EXPH5: variants seen among roughly 807,000 people sequenced by gnomAD.
The protein encoded by EXPH5 is exophilin 5.
Under a neutral mutation model 41.1 loss-of-function variants are expected in EXPH5, and 42 were observed. That is an observed-to-expected ratio of 1.02 (90% CI 0.80 to 1.32). The LOEUF (loss-of-function observed/expected upper bound fraction) is 1.32, where lower values mean the gene tolerates loss of function less well. Ranked by LOEUF, EXPH5 falls within the 40% of genes most tolerant of loss-of-function variation. The probability of loss-of-function intolerance (pLI) is 0.00; values close to 1 mark genes in which losing one functional copy is unlikely to be tolerated. For missense variants in EXPH5, 2,298 were observed against 2,314.5 expected (o/e 0.99, Z 0.15); for synonymous variants, 798 against 833.5 (o/e 0.96, Z 0.73).
At chr11:108,598,868 G>T in the EXPH5 span, among the ~76,000 whole-genome samples, 1 of 152,160 alleles carries the variant, frequency 6.6e-6, no homozygotes, top group South Asian at 2.1e-4. Context: ...TCCTAAGGAC[G>T]TGGGCTTGGA....
chr11:108,543,326 G>A (rs1474523470), intron 1 of EXPH5, among the ~76,000 whole-genome samples: 1 of 151,992 alleles, frequency 6.6e-6, no homozygotes, highest in Admixed American at 6.6e-5. Flanking sequence ...AGATCATTTT[G>A]CTCTATTTAA....
At chr11:108,587,558 C>A (rs1005142637) in intron 1 of EXPH5, among the ~76,000 whole-genome samples, 1 of 152,116 alleles carries the variant, frequency 6.6e-6, no homozygotes, top group Non-Finnish European at 1.5e-5. Flanking sequence ...CCTGTGCACA[C>A]ATTAACATTG....
intron 1 of EXPH5, among the ~76,000 whole-genome samples, chr11:108,574,343 A>G (rs1337899031): frequency 6.6e-6 from 1 of 151,086 alleles, no homozygotes; most frequent in Non-Finnish European, 1.5e-5. Flanking sequence ...ACACCACTGC[A>G]CTGCAGCCTG....
Position 108,509,714 on chromosome 11 carries a change from G to A in EXPH5, c.5793C>T (p.Asn1931=). ...AATTTGAGCTTAATGACTCTGAGGG[G>A]TTGGGAGGGTTCCTCAAATCATCTT... The part of the protein sequence containing the change: ...FLKDDLRNPP[N]PSESLSSNSP... The change falls in exon 6 of 6, where the codon AAC becomes AAT. Residue 1931 remains asparagine, a synonymous_variant. Coordinates refer to ENST00000265843, the MANE Select transcript of EXPH5 (RefSeq NM_015065.3). The A allele has an allele frequency of 6.2e-7, 1 of 1,610,060 alleles. No individual in the cohort carries two copies. The highest frequency in any genetic ancestry group is 8.5e-7 in the Non-Finnish European group (1 of 1,178,836).
chr11:108,522,245 A>G (rs1220892711), intron 4 of EXPH5, among the ~76,000 whole-genome samples: 1 of 152,114 alleles, frequency 6.6e-6, no homozygotes, highest in Non-Finnish European at 1.5e-5. Flanking sequence ...TCAGACCTAA[A>G]GATTGAAAAT....
upstream of EXPH5, chr11:108,593,863 C>G (rs1312106347): frequency 1.1e-5 from 10 of 920,474 alleles, no homozygotes; most frequent in South Asian, 1.5e-5. Flanking sequence ...CGTCCCGTCC[C>G]TCGTCCCCTC....
intron 5 of EXPH5, among the ~76,000 whole-genome samples, chr11:108,515,944 C>T (rs1007557994): frequency 7.2e-5 from 11 of 151,784 alleles, no homozygotes; most frequent in South Asian, 6.2e-4. Flanking sequence ...TGGTGGCGGG[C>T]GCCTGTAGTC....
chr11:108,535,376 T>C (rs1483034957), intron 3 of EXPH5, among the ~76,000 whole-genome samples: 1 of 152,198 alleles, frequency 6.6e-6, no homozygotes, highest in African/African-American at 2.4e-5. Flanking sequence ...GCCACCACAA[T>C]GCTGCCTTTT....
intron 3 of EXPH5, chr11:108,538,310 G>T: frequency 1.1e-6 from 1 of 937,294 alleles, no homozygotes; most frequent in Non-Finnish European, 1.3e-6. Flanking sequence ...AAGACATGCC[G>T]AAAATATTTA....
At chr11:108,579,539 A>G (rs477898) in intron 1 of EXPH5, among the ~76,000 whole-genome samples, 3 of 130,904 alleles carry the variant, frequency 2.3e-5, no homozygotes, top group Non-Finnish European at 3.3e-5. Context: ...GTTTGGAAGT[A>G]AAAAAAAAAA....
Position 108,510,980 on chromosome 11 carries a change from G to A in EXPH5, c.4527C>T (p.Ala1509=), listed in dbSNP as rs777124686. 6.2e-7 allele frequency: 1 copy of A among 1,614,090 alleles called. No homozygotes were observed. The highest frequency in any genetic ancestry group is 8.5e-7 in the Non-Finnish European group (1 of 1,180,022). ...TLSHSESQVF[A]LTPALHKLQL... ...GTAGTTTATGCAATGCTGGAGTAAG[G>A]GCAAAGACTTGACTCTCTGAGTGAG... The change falls in exon 6 of 6, where the codon GCC becomes GCT. Residue 1509 remains alanine (A), a synonymous_variant. Transcript: ENST00000265843.
chr11:108,582,178 T>A (rs532466828), intron 1 of EXPH5, among the ~76,000 whole-genome samples: 2 of 152,262 alleles, frequency 1.3e-5, no homozygotes, highest in Admixed American at 6.5e-5. Flanking sequence ...AAAAATAGTA[T>A]ACAGGCTGGG....
chr11:108,587,564 C>T (rs576697429), intron 1 of EXPH5, among the ~76,000 whole-genome samples: 31 of 152,248 alleles, frequency 2.0e-4, no homozygotes, highest in African/African-American at 6.5e-4. Flanking sequence ...CACACATTAA[C>T]ATTGTAAAGA....
At chr11:108,555,790 A>G (rs986158915) in intron 1 of EXPH5, among the ~76,000 whole-genome samples, 12 of 152,168 alleles carry the variant, frequency 7.9e-5, no homozygotes, top group Admixed American at 6.5e-4. Context: ...CCGCCATGTG[A>G]AAAAGGATGT....
rs548591675 is a variant in EXPH5, at chr11:108,517,364, A to C, written c.631+871T>G. 3.3e-5 allele frequency among the ~76,000 whole-genome samples: 5 copies of C among 152,322 alleles called. No individual in the cohort carries two copies. The South Asian group carries it at 1.0e-3, about 32-fold the overall frequency. Reference sequence around the variant, plus strand: ...TTTCCTCTGTTCTCTGCCAGGAAGCATCTTACTGAAGAAGGCCCCTACGTT... The same window carrying C: ...TTTCCTCTGTTCTCTGCCAGGAAGCCTCTTACTGAAGAAGGCCCCTACGTT... On this transcript the variant is annotated intron_variant, in intron 5 of 5. Transcript: ENST00000265843.
intron 1 of EXPH5, among the ~76,000 whole-genome samples, chr11:108,562,468 G>A (rs2094017011): frequency 6.6e-6 from 1 of 151,486 alleles, no homozygotes; most frequent in South Asian, 2.1e-4. Flanking sequence ...AATTAGCTGG[G>A]TATGCTGGTG....
At chr11:108,557,986 A>G (rs1303049512) in intron 1 of EXPH5, among the ~76,000 whole-genome samples, 2 of 152,130 alleles carry the variant, frequency 1.3e-5, no homozygotes, top group East Asian at 1.9e-4. Flanking sequence ...TCTGTCACCC[A>G]GGCTGGGGTG....
At chr11:108,541,837 T>C (rs751514027) in intron 1 of EXPH5, 25 bp from the exon 2 acceptor site, 1 of 1,528,052 alleles carries the variant, frequency 6.5e-7, no homozygotes, top group Non-Finnish European at 8.8e-7. Context: ...AACATTAATG[T>C]GGTCTTTATT....
At chr11:108,582,655 T>C (rs1251599499) in intron 1 of EXPH5, among the ~76,000 whole-genome samples, 1 of 152,208 alleles carries the variant, frequency 6.6e-6, no homozygotes, top group Non-Finnish European at 1.5e-5. Context: ...CCCAATAAAG[T>C]ACTGCACATT....
Sources: allele counts gnomAD v4.1 joint callset (sites outside exome capture counted in the v4.1 genomes callset), GRCh38; gene constraint gnomAD v4.1.1; transcripts MANE v1.5; gene names NCBI Gene and HGNC (gene_info 2026-07-23, HGNC 2026-07-21).